CFAP52: variants seen among roughly 807,000 people sequenced by gnomAD.
CFAP52 encodes cilia- and flagella-associated protein 52.
A neutral mutation model predicts 70.5 loss-of-function variants in CFAP52; 57 were observed. The observed-to-expected ratio is 0.81, with a 90% CI of 0.65 to 1.01. CFAP52 has a LOEUF of 1.01. Among genes scored for constraint, CFAP52 ranks in the 50% least tolerant of loss-of-function variants. The pLI is 0.00. For synonymous variants in CFAP52, 267 were observed against 292.5 expected (o/e 0.91, Z 0.89); for missense variants, 785 against 788.5 (o/e 1.00, Z 0.05).
intron 3 of CFAP52, among the ~76,000 whole-genome samples, chr17:9,590,760 A>G (rs1908710248): frequency 6.6e-6 from 1 of 152,166 alleles, no homozygotes; most frequent in South Asian, 2.1e-4. Context: ...GCTGCCTAAA[A>G]TTTGTTTGCA....
intron 8 of CFAP52, among the ~76,000 whole-genome samples, chr17:9,623,864 T>C (rs1170240303): frequency 6.6e-6 from 1 of 151,762 alleles, no homozygotes; most frequent in African/African-American, 2.4e-5. Context: ...CCTGGTTCAT[T>C]TAACATCTTT....
downstream of CFAP52, among the ~76,000 whole-genome samples, chr17:9,644,435 A>C (rs959833456): frequency 6.6e-5 from 10 of 152,188 alleles, no homozygotes; most frequent in Non-Finnish European, 8.8e-5. Flanking sequence ...AATGATGATC[A>C]CTTATTAAAC....
intron 8 of CFAP52, among the ~76,000 whole-genome samples, chr17:9,615,621 GT>G (rs138772764): frequency 0.073 from 10,934 of 149,092 alleles, 417 homozygotes; most frequent in South Asian, 0.11. Flanking sequence ...CCCTTGAATT[GT>G]TTTTTTTTCT....
At chr17:9,640,896 G>A (rs1053549849) in intron 12 of CFAP52, among the ~76,000 whole-genome samples, 2 of 152,192 alleles carry the variant, frequency 1.3e-5, no homozygotes, top group South Asian at 4.1e-4. Context: ...GGCCCAACTC[G>A]GCTTCCCAAA....
At chr17:9,594,482 T>C (rs1167130583) in intron 4 of CFAP52, 161 bp downstream of exon 4, 2 of 841,214 alleles carry the variant, frequency 2.4e-6, no homozygotes, top group Non-Finnish European at 3.3e-6. Flanking sequence ...TTCTCTTCAC[T>C]GGAAGTATTT....
chr17:9,598,151 T>C, intron 4 of CFAP52, 83 bp from the exon 5 acceptor site: 2 of 1,092,306 alleles, frequency 1.8e-6, no homozygotes, highest in Non-Finnish European at 2.7e-6. Context: ...TGTTTAGATC[T>C]CTTCCCTTCA....
Position 9,586,721 on chromosome 17 carries a change from T to C in CFAP52, c.294T>C (p.Tyr98=), listed in dbSNP as rs1469062740. The change falls in exon 3 of 14, where the codon TAT becomes TAC. Residue 98 remains tyrosine (Y), a synonymous_variant. Coordinates refer to ENST00000352665, the MANE Select transcript of CFAP52 (RefSeq NM_145054.5). Reference sequence around the variant, plus strand: ...AGGCAGACATCATTTTGTGGGATTATAAGAACAGAGAGCTGCTTGCTCGGC... The same window carrying C: ...AGGCAGACATCATTTTGTGGGATTACAAGAACAGAGAGCTGCTTGCTCGGC... ...GFKADIILWD[Y]KNRELLARLS... The C allele has an allele frequency of 6.2e-7, 1 of 1,612,506 alleles. No individual in the cohort carries two copies. The highest frequency in any genetic ancestry group is 8.5e-7 in the Non-Finnish European group (1 of 1,179,634).
At position 9,594,293 on chromosome 17, in the gene CFAP52, C is replaced by T. The variant is rs778149853; in HGVS notation, c.508C>T (p.Arg170Trp). 2.8e-5 allele frequency: 45 copies of T among 1,613,776 alleles called. No homozygotes were observed. Among genetic ancestry groups the T allele is most frequent in the Admixed American group, 1.0e-4 (6 of 59,942 alleles). Residue 170 changes from arginine (R) to tryptophan (W), a missense_variant, in exon 4 of 14, where the codon CGG (arginine) becomes TGG (tryptophan). Transcript: ENST00000352665. ...CACCAATGTGATCTTCTCCAGGTGC[C>T]GGGATGAGATGTTTATGACTGCTGG... ...NATNVIFSRC[R>W]DEMFMTAGNG... is the part of the protein sequence containing the mutation.
chr17:9,597,678 C>G (rs953961344), intron 4 of CFAP52: 4 of 152,568 alleles, frequency 2.6e-5, no homozygotes, highest in African/African-American at 9.7e-5. Flanking sequence ...TGGCGGGCAC[C>G]TGTAGTCCCA....
chr17:9,589,732 C>CAAA (rs33978485), intron 3 of CFAP52, among the ~76,000 whole-genome samples: 2 of 127,496 alleles, frequency 1.6e-5, no homozygotes, highest in African/African-American at 6.3e-5. Flanking sequence ...GACTCCGTCT[C>CAAA]AAAAAAAAAA....
chr17:9,599,993 G>A (rs528278207), intron 5 of CFAP52, 74 bp from the exon 6 acceptor site: 11 of 1,254,728 alleles, frequency 8.8e-6, no homozygotes, highest in Admixed American at 3.4e-5. Context: ...CACCCGCCTC[G>A]GCCTCCCAAA....
At chr17:9,625,111 AG>A (rs1457575331) in intron 8 of CFAP52, among the ~76,000 whole-genome samples, 1 of 152,160 alleles carries the variant, frequency 6.6e-6, no homozygotes, top group Non-Finnish European at 1.5e-5. Flanking sequence ...TTACTTAAAA[AG>A]GCAAGCAAAC....
At chr17:9,577,742 T>C (rs1908029220) in intron 1 of CFAP52, among the ~76,000 whole-genome samples, 1 of 152,190 alleles carries the variant, frequency 6.6e-6, no homozygotes, top group South Asian at 2.1e-4. Flanking sequence ...TTGAGCAGCC[T>C]ACAGTGGGTT....
At position 9,600,199 on chromosome 17, in the gene CFAP52, C is replaced by G. The variant is rs374966471; in HGVS notation, c.753+16C>G. ...ATTCAGTTTGGTGAGTAGAGACCAT[C>G]GCCACTGCCCTGCCATTTTTCTCCC... On this transcript the variant is annotated intron_variant, in intron 6 of 13. Coordinates refer to ENST00000352665, the MANE Select transcript of CFAP52 (RefSeq NM_145054.5). 6.3e-7 allele frequency: 1 copy of G among 1,597,766 alleles called. No homozygotes were observed. Among genetic ancestry groups the G allele is most frequent in the South Asian group, 1.1e-5 (1 of 90,612 alleles).
At chr17:9,607,282 A>G (rs11078809) in intron 6 of CFAP52, among the ~76,000 whole-genome samples, 136,729 of 152,276 alleles carry the variant, frequency 0.9, 62,248 homozygotes, top group East Asian at 0.98. Context: ...GGAGGCAGAG[A>G]GTGCAGTGAG....
At chr17:9,628,143 C>G (rs1415389688) in intron 8 of CFAP52, among the ~76,000 whole-genome samples, 1 of 152,140 alleles carries the variant, frequency 6.6e-6, no homozygotes, top group East Asian at 1.9e-4. Flanking sequence ...TGTCCCAACC[C>G]TTCCTAAAGA....
intron 8 of CFAP52, among the ~76,000 whole-genome samples, chr17:9,614,163 T>C (rs910071387): frequency 2.7e-5 from 4 of 146,548 alleles, no homozygotes; most frequent in African/African-American, 1.0e-4. Context: ...CTTTCTTTTT[T>C]TTTTTTTTTT....
chr17:9,605,813 CTATAATGGTAAA>C (rs1350290700), intron 6 of CFAP52, among the ~76,000 whole-genome samples: 2 of 151,026 alleles, frequency 1.3e-5, no homozygotes, highest in Admixed American at 1.3e-4. Context: ...CTGTATGGCA[CTATAATGGTAAA>C]TATATGTTGC....
intron 7 of CFAP52, among the ~76,000 whole-genome samples, chr17:9,611,337 A>T (rs1909705484): frequency 1.3e-5 from 2 of 151,964 alleles, no homozygotes; most frequent in Non-Finnish European, 2.9e-5. Context: ...GGTTCTGGCA[A>T]AGACAACCCC....
Sources: gnomAD v4.1 joint callset for allele counts (sites outside exome capture counted in the v4.1 genomes callset) on GRCh38, gnomAD v4.1.1 for gene constraint, MANE v1.5 for transcripts, NCBI Gene and HGNC (gene_info 2026-07-23, HGNC 2026-07-21) for gene names.